The following PPHLN1 variants were observed in gnomAD, a reference collection of about 807,000 sequenced individuals.
The protein encoded by PPHLN1 is periphilin-1.
Under a neutral mutation model 51.3 loss-of-function variants are expected in PPHLN1, and 29 were observed. The ratio of observed to expected loss-of-function variants is 0.57; its 90% confidence interval spans 0.42 to 0.77. PPHLN1 has a LOEUF of 0.77. Among genes scored for constraint, PPHLN1 ranks in the 30% least tolerant of loss-of-function variants. The pLI is 0.00. For missense variants in PPHLN1, 436 were observed against 438.4 expected (o/e 0.99, Z 0.05); for synonymous variants, 147 against 147.8 (o/e 0.99, Z 0.04).
chr12:42,388,822 G>A (rs2077421013), intron 7 of PPHLN1, among the ~76,000 whole-genome samples: 2 of 152,216 alleles, frequency 1.3e-5, no homozygotes. Context: ...TGCACCTGTA[G>A]TCCTAGCTAT....
At chr12:42,352,593 A>G (rs1264218864) in intron 3 of PPHLN1, among the ~76,000 whole-genome samples, 2 of 151,532 alleles carry the variant, frequency 1.3e-5, no homozygotes, top group African/African-American at 2.4e-5. Context: ...TGTTTTCAGT[A>G]GAGACAGGGT....
intron 2 of PPHLN1, among the ~76,000 whole-genome samples, chr12:42,337,110 C>T (rs1054673981): frequency 6.6e-6 from 1 of 151,936 alleles, no homozygotes; most frequent in South Asian, 2.1e-4. Context: ...AATCAAAATC[C>T]CAATGTTTTT....
chr12:42,422,568 A>G (rs909891090), intron 9 of PPHLN1, among the ~76,000 whole-genome samples: 4 of 152,224 alleles, frequency 2.6e-5, no homozygotes, highest in African/African-American at 7.2e-5. Context: ...TTCTTTCCTA[A>G]AATTGACGAG....
At chr12:42,425,038 T>TTATA in intron 9 of PPHLN1, among the ~76,000 whole-genome samples, 1 of 136,964 alleles carries the variant, frequency 7.3e-6, no homozygotes, top group Admixed American at 7.6e-5. Flanking sequence ...TTATTTTATT[T>TTATA]TATGTATGTA....
intron 4 of PPHLN1, among the ~76,000 whole-genome samples, chr12:42,363,447 T>TA (rs1421684290): frequency 2.5e-5 from 2 of 80,624 alleles, no homozygotes; most frequent in Non-Finnish European, 7.6e-5. Flanking sequence ...ACTCTAGCTA[T>TA]TTTTTTTTCA....
intron 2 of PPHLN1, among the ~76,000 whole-genome samples, chr12:42,344,656 G>A (rs1370777148): frequency 6.6e-6 from 1 of 151,364 alleles, no homozygotes; most frequent in Non-Finnish European, 1.5e-5. Context: ...AAGAAACATG[G>A]TAATTCATAC....
intron 9 of PPHLN1, among the ~76,000 whole-genome samples, chr12:42,414,886 ATTGT>A (rs1347729121): frequency 6.6e-6 from 1 of 152,142 alleles, no homozygotes; most frequent in African/African-American, 2.4e-5. Flanking sequence ...CTAGAATTAG[ATTGT>A]TTATCGCTCA....
At chr12:42,360,530 C>G (rs998350503) in intron 4 of PPHLN1, among the ~76,000 whole-genome samples, 7 of 121,000 alleles carry the variant, frequency 5.8e-5, no homozygotes, top group Non-Finnish European at 1.1e-4. Flanking sequence ...AGGTCTCACT[C>G]TGTCACCCAG....
In PPHLN1 at chr12:42,401,948, A is replaced by G. The variant is rs374266239; in HGVS notation, c.909+2954A>G. Among the ~76,000 whole-genome samples, 20 of 152,074 alleles carry G rather than the reference A, an allele frequency of 1.3e-4. No individual in the cohort carries two copies. The East Asian group carries it at 2.5e-3, about 19-fold the overall frequency. ...CACCTCACTGCAGCCACCACCCCCC[A>G]GGCTCAAGCAATACTCCCACCTCAC... On this transcript the variant is annotated intron_variant, in intron 9 of 9. Coordinates refer to ENST00000358314, the MANE Select transcript of PPHLN1 (RefSeq NM_201439.2).
At chr12:42,385,064 T>C in intron 6 of PPHLN1, 68 bp downstream of exon 6, 2 of 1,459,932 alleles carry the variant, frequency 1.4e-6, no homozygotes, top group South Asian at 1.1e-5. Context: ...ATAGCGGTTA[T>C]GGAAATGGGG....
intron 1 of PPHLN1, among the ~76,000 whole-genome samples, chr12:42,333,023 A>G (rs1015135952): frequency 6.6e-6 from 1 of 152,184 alleles, no homozygotes; most frequent in African/African-American, 2.4e-5. Flanking sequence ...CTGCCCAGCT[A>G]CCTAGTTCTC....
intron 4 of PPHLN1, chr12:42,361,294 G>A (rs550697100): frequency 4.6e-5 from 7 of 152,304 alleles, no homozygotes; most frequent in African/African-American, 1.4e-4. Context: ...CTTGATCTTG[G>A]ATTTCCCAGC....
chr12:42,408,956 A>G (rs1419378496), intron 9 of PPHLN1, among the ~76,000 whole-genome samples: 2 of 152,216 alleles, frequency 1.3e-5, no homozygotes, highest in African/African-American at 4.8e-5. Flanking sequence ...ACTGAACCCA[A>G]TATTTTTCCT....
chr12:42,438,971 G>T lies in PPHLN1; in HGVS notation c.910-2344G>T, dbSNP rs150032288. ...GTTTATCACATACGTGTTTTGCAAAGATTTTCTCCGAGTCTGTAGCTTGTT... is the reference window on the plus strand; with the variant it reads ...GTTTATCACATACGTGTTTTGCAAATATTTTCTCCGAGTCTGTAGCTTGTT... On this transcript the variant is annotated intron_variant, in intron 9 of 9. Transcript: ENST00000358314. Among the ~76,000 whole-genome samples, 5 of 152,320 alleles carry T rather than the reference G, an allele frequency of 3.3e-5. No individual in the cohort carries two copies. The East Asian group carries it at 9.6e-4, about 29-fold the overall frequency.
chr12:42,353,108 T>C (rs2073599337), intron 3 of PPHLN1, among the ~76,000 whole-genome samples: 1 of 151,890 alleles, frequency 6.6e-6, no homozygotes, highest in Admixed American at 6.6e-5. Flanking sequence ...AAAAGTTAGC[T>C]GCTATTATTA....
Position 42,378,139 on chromosome 12 carries a change from TCTTTCTTTCTTTC to T in PPHLN1, c.511+3066_511+3078del, listed in dbSNP as rs1187936657. ...TTCTTTCTTTCTTTCTTTCTTTCTT[TCTTTCTTTCTTTC>T]AAGTTATTTAGCTTTGAAAGTAAAG... On this transcript the variant is annotated intron_variant, in intron 5 of 9. Coordinates refer to ENST00000358314, the MANE Select transcript of PPHLN1 (RefSeq NM_201439.2). Among the ~76,000 whole-genome samples the T allele has an allele frequency of 4.6e-3, 630 of 136,698 alleles. 3 individuals carry two copies. The highest frequency in any genetic ancestry group is 0.016 in the African/African-American group (593 of 36,614). The allele number at this position is 136,698 out of a possible 152,430, so 89.7% of individuals were successfully genotyped here.
intron 1 of PPHLN1, among the ~76,000 whole-genome samples, chr12:42,331,391 G>A (rs1403844791): frequency 6.6e-6 from 1 of 152,222 alleles, no homozygotes; most frequent in Non-Finnish European, 1.5e-5. Flanking sequence ...TTTGGATTCA[G>A]AGTGTTAATG....
At chr12:42,397,106 G>A (rs1042686084) in intron 8 of PPHLN1, among the ~76,000 whole-genome samples, 1 of 150,910 alleles carries the variant, frequency 6.6e-6, no homozygotes, top group Admixed American at 6.6e-5. Flanking sequence ...TAAAATTTAC[G>A]ACTTATGTTG....
Position 42,354,380 on chromosome 12 carries a change from G to A in PPHLN1, c.238-781G>A, listed in dbSNP as rs115558376. Among the ~76,000 whole-genome samples, 773 of 151,998 alleles carry A rather than the reference G, an allele frequency of 5.1e-3. 2 individuals carry two copies. The highest frequency in any genetic ancestry group is 0.018 in the African/African-American group (736 of 41,454). Reference sequence around the variant, plus strand: ...ACTATAGGTGCACGCCACCGTGCCCGGCTAATTTTTGTAGAGATGGGGTTT... The same window carrying A: ...ACTATAGGTGCACGCCACCGTGCCCAGCTAATTTTTGTAGAGATGGGGTTT... On this transcript the variant is annotated intron_variant, in intron 3 of 9. Coordinates refer to ENST00000358314, the MANE Select transcript of PPHLN1 (RefSeq NM_201439.2).
Sources: allele counts gnomAD v4.1 joint callset (sites outside exome capture counted in the v4.1 genomes callset), GRCh38; gene constraint gnomAD v4.1.1; transcripts MANE v1.5; gene names NCBI Gene and HGNC (gene_info 2026-07-23, HGNC 2026-07-21).